ANKRD35: variants seen among roughly 807,000 people sequenced by gnomAD.
ANKRD35 encodes the protein ankyrin repeat domain 35.
ANKRD35 carries 102 observed loss-of-function variants against 109.9 expected under a neutral mutation model. That is an observed-to-expected ratio of 0.93 (90% CI 0.79 to 1.09). The LOEUF (loss-of-function observed/expected upper bound fraction) is 1.09. Among genes scored for constraint, ANKRD35 ranks in the 50% least tolerant of loss-of-function variants. ANKRD35 has a pLI of 0.00. For missense variants in ANKRD35, 1,240 were observed against 1,230.1 expected (o/e 1.01, Z -0.12); for synonymous variants, 515 against 512.4 (o/e 1.01, Z -0.07).
At chr1:145,882,502 G>A (rs1423408684) in intron 1 of ANKRD35, among the ~76,000 whole-genome samples, 1 of 149,040 alleles carries the variant, frequency 6.7e-6, no homozygotes, top group Non-Finnish European at 1.5e-5. Context: ...CATTGCCCAG[G>A]CTGGTCTCAA....
At chr1:145,875,837 A>G (rs1337295570) in intron 7 of ANKRD35, among the ~76,000 whole-genome samples, 1 of 152,158 alleles carries the variant, frequency 6.6e-6, no homozygotes, top group Non-Finnish European at 1.5e-5. Context: ...GATTCTACAT[A>G]CATTTTTTAT....
At position 145,877,991 on chromosome 1, in the gene ANKRD35, G is replaced by C; in HGVS notation, c.301C>G (p.Gln101Glu). The C allele has an allele frequency of 6.2e-7, 1 of 1,614,118 alleles. No individual in the cohort carries two copies. Among genetic ancestry groups the C allele is most frequent in the Non-Finnish European group, 8.5e-7 (1 of 1,179,980 alleles). ...ACCTGAAGCAGAACCTTAACACACT[G>C]TGGCTGGCAGGAGATGGTGGCCAAG... The part of the protein sequence containing the change: ...LHLATISCQP[Q>E]CVKVLLQHGA... The change falls in exon 4 of 14, where the codon CAG becomes GAG. Residue 101 changes from glutamine to glutamate, a missense_variant. By Grantham distance (29) the Gln-to-Glu change is conservative. Transcript: ENST00000355594.
At position 145,873,730 on chromosome 1, in the gene ANKRD35, G is replaced by T; in HGVS notation, c.1039C>A (p.Leu347Ile). 1 of 1,613,780 alleles carries T rather than the reference G, an allele frequency of 6.2e-7. No individual in the cohort carries two copies. Among genetic ancestry groups the T allele is most frequent in the Middle Eastern group, 1.7e-4 (1 of 6,060 alleles). The change falls in exon 10 of 14, where the codon CTC (leucine) becomes ATC (isoleucine). Residue 347 changes from leucine (L) to isoleucine (I), a missense_variant. Coordinates refer to ENST00000355594, the MANE Select transcript of ANKRD35 (RefSeq NM_144698.5). ...IREQAQELGVLLSWEPRASGK... is the reference protein window; with the variant it reads ...IREQAQELGVILSWEPRASGK... Reference sequence around the variant, plus strand: ...GAAGCTCTGGGCTCCCAGGATAGGAGGACCCCTAGCTCCTGCGCCTGCTCT... The same window carrying T: ...GAAGCTCTGGGCTCCCAGGATAGGATGACCCCTAGCTCCTGCGCCTGCTCT...
intron 10 of ANKRD35, among the ~76,000 whole-genome samples, chr1:145,870,130 G>T (rs929250362): frequency 1.4e-5 from 2 of 141,820 alleles, no homozygotes; most frequent in Admixed American, 7.3e-5. Context: ...TGGCTCTGTC[G>T]CCCAGGCTGG....
At position 145,873,008 on chromosome 1, in the gene ANKRD35, C is replaced by A; in HGVS notation, c.1761G>T (p.Arg587Ser). ...SIKQDEEKEK[R>S]VPGAQGEPLG... is the part of the protein sequence containing the mutation. ...GAGGCTCTCCTTGAGCCCCAGGAACCCTTTTCTCCTTCTCTTCATCCTGTT... is the reference window on the plus strand; with the variant it reads ...GAGGCTCTCCTTGAGCCCCAGGAACACTTTTCTCCTTCTCTTCATCCTGTT... The change falls in exon 10 of 14, where the codon AGG (arginine) becomes AGT (serine). Residue 587 changes from arginine to serine, a missense_variant. By Grantham distance (110) the Arg-to-Ser change is moderately radical. Transcript: ENST00000355594. 6.2e-7 allele frequency: 1 copy of A among 1,610,568 alleles called. No individual in the cohort carries two copies. The highest frequency in any genetic ancestry group is 8.5e-7 in the Non-Finnish European group (1 of 1,178,526).
chr1:145,875,167 C>T (rs1487454850), intron 7 of ANKRD35, among the ~76,000 whole-genome samples, 161 bp from the exon 8 acceptor site: 5 of 150,878 alleles, frequency 3.3e-5, no homozygotes, highest in South Asian at 2.1e-4. Context: ...TTTTTTGAGA[C>T]GGAGTTTCAC....
At chr1:145,882,944 C>T (rs1654346038) in intron 1 of ANKRD35, among the ~76,000 whole-genome samples, 1 of 152,092 alleles carries the variant, frequency 6.6e-6, no homozygotes, top group Non-Finnish European at 1.5e-5. Flanking sequence ...TACCTATAAG[C>T]ATCCTACAAC....
chr1:145,873,263 C>T lies in ANKRD35; in HGVS notation c.1506G>A (p.Val502=), dbSNP rs1553739287. Residue 502 remains valine, a synonymous_variant, in exon 10 of 14, where the codon GTG becomes GTA. Coordinates refer to ENST00000355594, the MANE Select transcript of ANKRD35 (RefSeq NM_144698.5). ...CCCGGGCAGCATCCTTTTCTCGCCA[C>T]ACTGCAGCAAGCTCCTCCCTTAGTT... is the stretch of plus-strand genomic sequence containing the variant. ...LLQLREELAA[V]WREKDAARGA... 1 of 1,614,176 alleles carries T rather than the reference C, an allele frequency of 6.2e-7. No homozygotes were observed. The highest frequency in any genetic ancestry group is 8.5e-7 in the Non-Finnish European group (1 of 1,179,998).
Position 145,873,980 on chromosome 1 carries a change from A to T in ANKRD35, c.789T>A (p.Ser263=). The change falls in exon 10 of 14, where the codon TCT becomes TCA. Residue 263 remains serine, a synonymous_variant. Coordinates refer to ENST00000355594, the MANE Select transcript of ANKRD35 (RefSeq NM_144698.5). ...GAGAACCTGCCTGGGGCTCAGATGG[A>T]GAGGCCTATGTTGGAAACAGAATAG... The part of the protein sequence containing the change: ...VQHPDLASQA[S]PSEPQAGSPP... 6.2e-7 allele frequency: 1 copy of T among 1,613,872 alleles called. No individual in the cohort carries two copies. Among genetic ancestry groups the T allele is most frequent in the South Asian group, 1.1e-5 (1 of 91,050 alleles).
At position 145,872,291 on chromosome 1, in the gene ANKRD35, G is replaced by C; in HGVS notation, c.2478C>G (p.Ala826=). ...QATEEVAELR[A]REAASLRQHE... ...GTTGCCGTAGGCTGGCTGCCTCCCGGGCCCTTAGCTCAGCCACTTCCTCTG... is the reference window on the plus strand; with the variant it reads ...GTTGCCGTAGGCTGGCTGCCTCCCGCGCCCTTAGCTCAGCCACTTCCTCTG... Residue 826 remains alanine, a synonymous_variant, in exon 10 of 14, where the codon GCC becomes GCG. Coordinates refer to ENST00000355594, the MANE Select transcript of ANKRD35 (RefSeq NM_144698.5). 6.2e-7 allele frequency: 1 copy of C among 1,612,404 alleles called. No individual in the cohort carries two copies.
rs1570798915 is a variant in ANKRD35, at chr1:145,873,409, G to A, written c.1360C>T (p.Pro454Ser). 1 of 1,614,102 alleles carries A rather than the reference G, an allele frequency of 6.2e-7. No homozygotes were observed. Among genetic ancestry groups the A allele is most frequent in the East Asian group, 2.2e-5 (1 of 44,864 alleles). ...LTTNGAQTFG[P>S]DHADQLPAGQ... ...GCAGGCAGCTGGTCAGCATGATCAG[G>A]GCCAAAGGTCTGTGCCCCATTGGTA... Residue 454 changes from proline (P) to serine (S), a missense_variant, in exon 10 of 14, where the codon CCT becomes TCT. Pro to Ser is a moderately conservative substitution (Grantham distance 74). Transcript: ENST00000355594.
At chr1:145,871,870 G>T in intron 10 of ANKRD35, 112 bp downstream of exon 10, 2 of 1,341,346 alleles carry the variant, frequency 1.5e-6, no homozygotes, top group Non-Finnish European at 1.0e-6. Flanking sequence ...GCTCCGTTTG[G>T]GGTATTAATC....
At chr1:145,879,177 C>T in intron 2 of ANKRD35, 81 bp downstream of exon 2, 3 of 1,408,574 alleles carry the variant, frequency 2.1e-6, no homozygotes, top group Non-Finnish European at 1.9e-6. Flanking sequence ...TGTAGGCATT[C>T]CCTGGTCCTA....
At chr1:145,877,809 A>T (rs1553740396) in intron 4 of ANKRD35, among the ~76,000 whole-genome samples, 159 bp downstream of exon 4, 1 of 152,234 alleles carries the variant, frequency 6.6e-6, no homozygotes, top group Non-Finnish European at 1.5e-5. Flanking sequence ...TGCACATAGT[A>T]GTTAAATAAA....
rs1654094190 is a variant in ANKRD35 at position 145,876,796 on chromosome 1, C to T, written c.382+20G>A. On this transcript the variant is annotated intron_variant, in intron 5 of 13. Coordinates refer to ENST00000355594, the MANE Select transcript of ANKRD35 (RefSeq NM_144698.5). The stretch of plus-strand genomic sequence containing the variant: ...CCTGTAGTCTCTGCAGCCCTGTTCC[C>T]ATGAGTCCCCTGCACACACCTGCCC... The T allele has an allele frequency of 6.2e-7, 1 of 1,613,960 alleles. No homozygotes were observed. Among genetic ancestry groups the T allele is most frequent in the African/African-American group, 1.3e-5 (1 of 74,930 alleles).
In ANKRD35 at chr1:145,872,937, C is replaced by CCTCCT; in HGVS notation, c.1831_1832insAGGAG (p.Gly611GlufsTer12). ...TACTGACATCTCCTTCTCCAGCTGT[C>CCTCCT]CCTTTGCCAGGCCTCCTAGGGCCTT... On this transcript the variant is annotated frameshift_variant, in exon 10 of 14. Coordinates refer to ENST00000355594, the MANE Select transcript of ANKRD35 (RefSeq NM_144698.5). LOFTEE classifies it high-confidence loss of function. 1 of 1,611,804 alleles carries CCTCCT rather than the reference C, an allele frequency of 6.2e-7. No individual in the cohort carries two copies. The highest frequency in any genetic ancestry group is 8.5e-7 in the Non-Finnish European group (1 of 1,178,408).
At chr1:145,881,651 G>A (rs184595807) in intron 1 of ANKRD35, among the ~76,000 whole-genome samples, 63 of 152,272 alleles carry the variant, frequency 4.1e-4, no homozygotes, top group African/African-American at 6.5e-4. Flanking sequence ...TGCAGTTCTC[G>A]AAATGTTTCA....
At chr1:145,868,474 T>C in intron 10 of ANKRD35, 74 bp from the exon 11 acceptor site, 1 of 1,273,514 alleles carries the variant, frequency 7.9e-7, no homozygotes, top group South Asian at 1.3e-5. Flanking sequence ...GTCAGCTTCC[T>C]TTTACTGAGT....
Position 145,876,825 on chromosome 1 carries a change from G to A in ANKRD35, c.373C>T (p.His125Tyr), listed in dbSNP as rs369932480. 30 of 1,613,958 alleles carry A rather than the reference G, an allele frequency of 1.9e-5. No individual in the cohort carries two copies. Among genetic ancestry groups the A allele is most frequent in the Admixed American group, 5.0e-5 (3 of 60,000 alleles). ...AVDAENRSPL[H>Y]WAASSGCASS... ...AGTCCCCTGCACACACCTGCCCAGT[G>A]CAATGGACTACGGTTTTCTGCATCC... The change falls in exon 5 of 14, where the codon CAC becomes TAC. Residue 125 changes from histidine to tyrosine, a missense_variant. Transcript: ENST00000355594.
Sources: gnomAD v4.1 joint callset for allele counts (sites outside exome capture counted in the v4.1 genomes callset) on GRCh38, gnomAD v4.1.1 for gene constraint, MANE v1.5 for transcripts, NCBI Gene and HGNC (gene_info 2026-07-23, HGNC 2026-07-21) for gene names.